IL16: variants seen among roughly 807,000 people sequenced by gnomAD.
IL16 encodes pro-interleukin-16.
Under a neutral mutation model 110.1 loss-of-function variants are expected in IL16, and 67 were observed. The ratio of observed to expected loss-of-function variants is 0.61; its 90% CI spans 0.50 to 0.75. IL16 has a LOEUF of 0.75. Among genes scored for constraint, IL16 ranks in the 30% least tolerant of loss-of-function variants. IL16 has a pLI of 0.00. For synonymous variants in IL16, 689 were observed against 662.9 expected, an observed-to-expected ratio of 1.04 and a Z score of -0.61; for missense variants, 1,545 against 1,655.0, an observed-to-expected ratio of 0.93 and a Z score of 1.15.
rs183560557 is a variant in IL16, at chr15:81,248,879, C to A, written c.313-10893C>A. On this transcript the variant is annotated intron_variant, in intron 2 of 18. Coordinates refer to ENST00000683961, the MANE Select transcript of IL16 (RefSeq NM_172217.5). ...GGGATTACAGGCGCCCACCACCACA[C>A]CTTGCTAATTTTTGTATTTTTAGTA... 6.5e-4 allele frequency among the ~76,000 whole-genome samples: 99 copies of A among 151,986 alleles called. 1 individual carries two copies. In the East Asian group the frequency reaches 0.017, roughly 26 times the overall value.
chr15:81,293,011 G>A lies in IL16; in HGVS notation c.1876G>A (p.Gly626Arg). Reference protein sequence around the residue: ...EERENSSCSSGHTPPTCGQEA... With the variant: ...EERENSSCSSRHTPPTCGQEA... ...GAGAGAGAACTCCTCATGCTCTTCT[G>A]GGCACACCCCACCCACCTGTGGCCA... The change falls in exon 12 of 19, where the codon GGG becomes AGG. Residue 626 changes from glycine (G) to arginine (R), a missense_variant. Transcript: ENST00000683961. 1 of 1,610,102 alleles carries A rather than the reference G, an allele frequency of 6.2e-7. No homozygotes were observed. Among genetic ancestry groups the A allele is most frequent in the Admixed American group, 1.7e-5 (1 of 59,968 alleles).
chr15:81,282,008 A>G (rs1039025014), intron 8 of IL16, among the ~76,000 whole-genome samples: 2 of 152,142 alleles, frequency 1.3e-5, no homozygotes, highest in South Asian at 2.1e-4. Flanking sequence ...CAGTTCTCCT[A>G]TGGCATCCCT....
At chr15:81,182,936 G>A (rs1188463727) in intron 1 of IL16, 1 of 1,263,602 alleles carries the variant, frequency 7.9e-7, no homozygotes, top group South Asian at 1.2e-5. Flanking sequence ...GGACTCAGGG[G>A]AGGTTGGAAT....
intron 1 of IL16, among the ~76,000 whole-genome samples, chr15:81,212,927 G>A (rs1030175827): frequency 4.0e-5 from 6 of 151,830 alleles, no homozygotes; most frequent in Non-Finnish European, 7.4e-5. Context: ...TGTTAGTGTT[G>A]GGGTTAGTTT....
At chr15:81,305,665 A>G (rs899312931) in intron 16 of IL16, 8 of 557,074 alleles carry the variant, frequency 1.4e-5, no homozygotes, top group Non-Finnish European at 2.6e-5. Flanking sequence ...ACACTATAGG[A>G]CGTTGTGTTG....
chr15:81,198,344 G>A (rs1341767904), intron 1 of IL16, among the ~76,000 whole-genome samples: 3 of 152,084 alleles, frequency 2.0e-5, no homozygotes, highest in Admixed American at 2.0e-4. Flanking sequence ...GGCTTGCACA[G>A]GACCACTCAG....
At chr15:81,187,575 A>T (rs557355612) in intron 1 of IL16, among the ~76,000 whole-genome samples, 22 of 152,300 alleles carry the variant, frequency 1.4e-4, no homozygotes, top group African/African-American at 5.1e-4. Context: ...CGCCTGAGTG[A>T]CAGTAAGACT....
At chr15:81,218,270 AT>A (rs895410795) in intron 1 of IL16, among the ~76,000 whole-genome samples, 6 of 152,166 alleles carry the variant, frequency 3.9e-5, no homozygotes, top group African/African-American at 1.4e-4. Context: ...ATAGAAAAAA[AT>A]GTTCCGGAAA....
At chr15:81,242,155 C>G (rs1433212792) in intron 2 of IL16, among the ~76,000 whole-genome samples, 1 of 152,070 alleles carries the variant, frequency 6.6e-6, no homozygotes, top group South Asian at 2.1e-4. Flanking sequence ...TACATTAAGT[C>G]TTAAAATTGG....
intron 5 of IL16, among the ~76,000 whole-genome samples, chr15:81,272,759 G>T (rs1898697762): frequency 6.6e-6 from 1 of 152,240 alleles, no homozygotes; most frequent in African/African-American, 2.4e-5. Context: ...AGCAGAAAGT[G>T]ATTGGCCCAG....
Position 81,292,823 on chromosome 15 carries a change from C to G in IL16, c.1688C>G (p.Pro563Arg), listed in dbSNP as rs1311147209. 2 of 1,613,934 alleles carry G rather than the reference C, an allele frequency of 1.2e-6. No individual in the cohort carries two copies. Among genetic ancestry groups the G allele is most frequent in the East Asian group, 4.5e-5 (2 of 44,890 alleles). Residue 563 changes from proline (P) to arginine (R), a missense_variant, in exon 12 of 19, where the codon CCC (proline) becomes CGC (arginine). By Grantham distance (103) the Pro-to-Arg change is moderately radical. Around this residue, in one of 3 missense-constraint regions of IL16, gnomAD observed 1,185 missense variants for 1,238.8 expected, o/e 0.96. Coordinates refer to ENST00000683961, the MANE Select transcript of IL16 (RefSeq NM_172217.5). ...CTTTCTATAGCATCCTCCAGGCTGC[C>G]CCAGGAGAGCCCACCCCTCCCAGAG... Reference protein sequence around the residue: ...VVLSIASSRLPQESPPLPESR... With the variant: ...VVLSIASSRLRQESPPLPESR...
chr15:81,193,974 G>A (rs1295993513), upstream of IL16, among the ~76,000 whole-genome samples: 2 of 151,850 alleles, frequency 1.3e-5, no homozygotes, highest in Non-Finnish European at 2.9e-5. Context: ...TATATTCTGC[G>A]TCATGTTACA....
At chr15:81,219,487 C>A (rs909331022) in intron 1 of IL16, among the ~76,000 whole-genome samples, 1 of 151,946 alleles carries the variant, frequency 6.6e-6, no homozygotes, top group African/African-American at 2.4e-5. Context: ...TGGGAAATCC[C>A]TTTCCTGACT....
intron 12 of IL16, among the ~76,000 whole-genome samples, chr15:81,293,536 A>G (rs1045773828): frequency 4.6e-5 from 7 of 152,192 alleles, no homozygotes; most frequent in African/African-American, 1.4e-4. Context: ...CCCTGTCTCT[A>G]CTAACAATAC....
rs1330082300 is a variant in IL16 at position 81,306,104 on chromosome 15, T to G, written c.3617T>G (p.Leu1206Arg). ...RKLTPEAMPD[L>R]NSSTDSAASA... ...CTGACTCCAGAGGCCATGCCCGACC[T>G]CAACTCCTCCACTGACTCTGCAGCC... is the stretch of plus-strand genomic sequence containing the variant. The change falls in exon 17 of 19, where the codon CTC becomes CGC. Residue 1206 changes from leucine (L) to arginine (R), a missense_variant. Coordinates refer to ENST00000683961, the MANE Select transcript of IL16 (RefSeq NM_172217.5). The G allele has an allele frequency of 6.2e-7, 1 of 1,614,156 alleles. No individual in the cohort carries two copies. Among genetic ancestry groups the G allele is most frequent in the South Asian group, 1.1e-5 (1 of 91,082 alleles).
At chr15:81,304,903 T>C (rs912597899) in intron 16 of IL16, among the ~76,000 whole-genome samples, 1 of 152,234 alleles carries the variant, frequency 6.6e-6, no homozygotes, top group Non-Finnish European at 1.5e-5. Flanking sequence ...GTGGTTTCCA[T>C]GCATGCTATC....
Position 81,297,006 on chromosome 15 carries a change from C to T in IL16, c.1981C>T (p.Pro661Ser), listed in dbSNP as rs1900018001. 3.1e-6 allele frequency: 5 copies of T among 1,613,944 alleles called. No homozygotes were observed. The highest frequency in any genetic ancestry group is 4.2e-6 in the Non-Finnish European group (5 of 1,179,974). Residue 661 changes from proline to serine, a missense_variant, in exon 13 of 19, where the codon CCA becomes TCA. Physicochemically the swap from Pro to Ser is moderately conservative, Grantham distance 74 (BLOSUM62 -1). Transcript: ENST00000683961. ...GRSPSASAGCPGPGIGPQTKS... is the reference protein window; with the variant it reads ...GRSPSASAGCSGPGIGPQTKS... ...AAGCCCTAGTGCCTCTGCCGGCTGC[C>T]CAGGACCTGGTATCGGCCCACAGAC...
chr15:81,219,656 A>C (rs919125186), intron 1 of IL16, among the ~76,000 whole-genome samples: 5 of 152,144 alleles, frequency 3.3e-5, no homozygotes, highest in African/African-American at 1.2e-4. Flanking sequence ...GAGGAGCAGC[A>C]TTGAGAATCT....
intron 11 of IL16, 54 bp from the exon 12 acceptor site, chr15:81,292,502 T>A (rs1347550723): frequency 6.2e-7 from 1 of 1,611,420 alleles, no homozygotes; most frequent in East Asian, 2.2e-5. Context: ...GGCCAGGGGG[T>A]ATTTCTGTTT....
Sources: gnomAD v4.1 joint callset for allele counts (sites outside exome capture counted in the v4.1 genomes callset) on GRCh38, gnomAD v4.1.1 for gene constraint, gnomAD v4.1.1 regional missense constraint, MANE v1.5 for transcripts, NCBI Gene and HGNC (gene_info 2026-07-23, HGNC 2026-07-21) for gene names.